The following WASHC2A variants were observed in gnomAD, a reference collection of about 807,000 sequenced individuals.
WASHC2A encodes the protein WASH complex subunit FAM21A.
WASHC2A carries 82 observed loss-of-function variants against 140.3 expected under a neutral mutation model. That is an observed-to-expected ratio of 0.58 (90% CI 0.49 to 0.70). The LOEUF is 0.70. Ranked by LOEUF, WASHC2A falls within the 30% of genes least tolerant of loss-of-function variation. The pLI is 0.00. For synonymous variants in WASHC2A, 340 were observed against 560.8 expected, an observed-to-expected ratio of 0.61 and a Z score of 5.56; for missense variants, 985 against 1,521.8, an observed-to-expected ratio of 0.65 and a Z score of 5.87.
In WASHC2A at chr10:50,129,651, C is replaced by T. The variant is rs1162979607; in HGVS notation, c.3320C>T (p.Pro1107Leu). 2 of 1,612,084 alleles carry T rather than the reference C, an allele frequency of 1.2e-6. No individual in the cohort carries two copies. The highest frequency in any genetic ancestry group is 8.5e-7 in the Non-Finnish European group (1 of 1,179,872). ...AAAAAPWEGG[P>L]VPGVDRSPFA... ...GCCGCTGCACCTTGGGAAGGTGGTC[C>T]TGTGCCTGGAGTGGACAGAAGCCCC... The change falls in exon 29 of 31, where the codon CCT becomes CTT. Residue 1107 changes from proline (P) to leucine (L), a missense_variant. Transcript: ENST00000282633.
At position 50,104,104 on chromosome 10, in the gene WASHC2A, C is replaced by T. The variant is rs1343104446; in HGVS notation, c.1698C>T (p.Leu566=). 5 of 1,456,520 alleles carry T rather than the reference C, an allele frequency of 3.4e-6. No homozygotes were observed. The highest frequency in any genetic ancestry group is 4.7e-6 in the Non-Finnish European group (5 of 1,054,114). The allele number at this position is 1,456,520 out of a possible 1,614,324, so 90.2% of individuals were successfully genotyped here. Residue 566 remains leucine, a synonymous_variant, in exon 18 of 31, where the codon CTC becomes CTT. Coordinates refer to ENST00000282633, the MANE Select transcript of WASHC2A (RefSeq NM_001005751.3). The stretch of plus-strand genomic sequence containing the variant: ...GTGCGTCTCTGCTGCCTGGCAAGCT[C>T]CCCACGTTGGTTTCCCTGTTTGATG... ...LKGASLLPGK[L]PTLVSLFDDE...
chr10:50,077,497 T>A (rs1175202142), intron 3 of WASHC2A, among the ~76,000 whole-genome samples: 1 of 152,136 alleles, frequency 6.6e-6, no homozygotes, highest in African/African-American at 2.4e-5. Flanking sequence ...CTTAAAATTT[T>A]AAAAATTGAG....
At chr10:50,109,899 A>G (rs1842126405) in intron 19 of WASHC2A, among the ~76,000 whole-genome samples, 2 of 151,784 alleles carry the variant, frequency 1.3e-5, no homozygotes, top group South Asian at 4.2e-4. Context: ...CCTCCCGAGT[A>G]GCTGGGACTA....
At chr10:50,081,673 C>T (rs1281198015) in intron 5 of WASHC2A, among the ~76,000 whole-genome samples, 1 of 151,482 alleles carries the variant, frequency 6.6e-6, no homozygotes, top group African/African-American at 2.4e-5. Context: ...TCACTCTGTC[C>T]TCCAGGCTGG....
In WASHC2A at chr10:50,129,722, G is replaced by A. The variant is rs1287810665; in HGVS notation, c.3391G>A (p.Asp1131Asn). 768 of 1,612,036 alleles carry A rather than the reference G, an allele frequency of 4.8e-4. 5 individuals carry two copies. In the African/African-American group the frequency reaches 8.1e-3, roughly 17 times the overall value. The change falls in exon 29 of 31, where the codon GAT becomes AAT. Residue 1131 changes from aspartate to asparagine, a missense_variant. Transcript: ENST00000282633. ...GHSRGEADLF[D>N]SGDIFSTGTG... ...TTCCAGAGGGGAGGCTGACCTTTTT[G>A]ATTCTGGGGACATCTTTTCCACGGG...
At chr10:50,098,909 A>C (rs1840769802) in intron 16 of WASHC2A, among the ~76,000 whole-genome samples, 2 of 150,372 alleles carry the variant, frequency 1.3e-5, no homozygotes, top group African/African-American at 4.9e-5. Context: ...TGCCTCATTC[A>C]GACACGTTTG....
In WASHC2A at chr10:50,129,745, G is replaced by A. The variant is rs1344313097; in HGVS notation, c.3414G>A (p.Thr1138=). 2.3e-5 allele frequency: 37 copies of A among 1,611,912 alleles called. No homozygotes were observed. The highest frequency in any genetic ancestry group is 2.2e-4 in the East Asian group (10 of 44,896). The part of the protein sequence containing the change: ...DLFDSGDIFS[T]GTGSQSVERT... Reference sequence around the variant, plus strand: ...TTGATTCTGGGGACATCTTTTCCACGGGCACTGGATCTCAGTCTGTGGAGA... The same window carrying A: ...TTGATTCTGGGGACATCTTTTCCACAGGCACTGGATCTCAGTCTGTGGAGA... The change falls in exon 29 of 31, where the codon ACG becomes ACA. Residue 1138 remains threonine, a synonymous_variant. Coordinates refer to ENST00000282633, the MANE Select transcript of WASHC2A (RefSeq NM_001005751.3).
At chr10:50,112,698 C>T (rs1418125970) in intron 20 of WASHC2A, among the ~76,000 whole-genome samples, 18 of 151,556 alleles carry the variant, frequency 1.2e-4, no homozygotes, top group African/African-American at 4.4e-4. Flanking sequence ...TATAACCATA[C>T]GATGGACTGT....
intron 21 of WASHC2A, among the ~76,000 whole-genome samples, chr10:50,115,758 A>G (rs2132946100): frequency 6.7e-6 from 1 of 148,248 alleles, no homozygotes; most frequent in Non-Finnish European, 1.5e-5. Flanking sequence ...CATATGGCCA[A>G]GATGCAGCCA....
At chr10:50,070,582 A>T (rs1347503177) in intron 3 of WASHC2A, among the ~76,000 whole-genome samples, 3 of 149,020 alleles carry the variant, frequency 2.0e-5, no homozygotes, top group African/African-American at 7.5e-5. Context: ...CTTGTGCAGC[A>T]TGTTTGTGCA....
chr10:50,109,093 C>G (rs1348662652), intron 19 of WASHC2A, among the ~76,000 whole-genome samples: 123 of 151,894 alleles, frequency 8.1e-4, no homozygotes, highest in African/African-American at 2.9e-3. Flanking sequence ...CCCAGGCACC[C>G]TGTGAAATGC....
intron 21 of WASHC2A, 22 bp downstream of exon 21, chr10:50,114,019 C>T: frequency 3.1e-6 from 1 of 325,876 alleles, no homozygotes; most frequent in Non-Finnish European, 5.1e-6. Flanking sequence ...CTCTTAGTCC[C>T]AGGAAATGTC....
rs1484171348 is a variant in WASHC2A at position 50,127,328 on chromosome 10, C to T, written c.2874+106C>T. ...TGCCAAGCATCTTCTCATCTCTTCCCCCGCCTCCCCTCCCCTGCACCTAGT... is the reference window on the plus strand; with the variant it reads ...TGCCAAGCATCTTCTCATCTCTTCCTCCGCCTCCCCTCCCCTGCACCTAGT... On this transcript the variant is annotated intron_variant, in intron 27 of 30. Transcript: ENST00000282633. 3 of 1,595,874 alleles carry T rather than the reference C, an allele frequency of 1.9e-6. No individual in the cohort carries two copies. In the African/African-American group the frequency reaches 4.0e-5, roughly 21 times the overall value.
At chr10:50,070,154 A>G (rs1589134879) in intron 3 of WASHC2A, among the ~76,000 whole-genome samples, 1 of 152,208 alleles carries the variant, frequency 6.6e-6, no homozygotes, top group East Asian at 1.9e-4. Context: ...TCTCAACTAA[A>G]GTTTATGATG....
chr10:50,100,221 G>GC (rs1378724552), intron 17 of WASHC2A, among the ~76,000 whole-genome samples, 157 bp downstream of exon 17: 1 of 152,050 alleles, frequency 6.6e-6, no homozygotes, highest in Non-Finnish European at 1.5e-5. Flanking sequence ...AGTGGTTCAT[G>GC]CCTGTAATCC....
intron 8 of WASHC2A, among the ~76,000 whole-genome samples, chr10:50,090,515 A>ATAT (rs1554882430): frequency 0.18 from 20,047 of 108,468 alleles, 2,461 homozygotes; most frequent in East Asian, 0.53. Context: ...AAAAAAAAAA[A>ATAT]ATATATATAT....
intron 30 of WASHC2A, among the ~76,000 whole-genome samples, chr10:50,131,641 A>ATTCTC (rs1843981452): frequency 6.6e-6 from 1 of 152,162 alleles, no homozygotes; most frequent in South Asian, 2.1e-4. Flanking sequence ...ATGCCCGAGA[A>ATTCTC]CCCTAAATAT....
intron 3 of WASHC2A, among the ~76,000 whole-genome samples, chr10:50,076,984 G>A (rs1838398396): frequency 6.6e-6 from 1 of 151,878 alleles, no homozygotes; most frequent in Non-Finnish European, 1.5e-5. Context: ...GGCATGGGTG[G>A]CAGGCACCTG....
intron 28 of WASHC2A, among the ~76,000 whole-genome samples, chr10:50,128,646 A>T (rs1843659585): frequency 6.6e-6 from 1 of 152,136 alleles, no homozygotes; most frequent in South Asian, 2.1e-4. Flanking sequence ...TTTTAAAGAG[A>T]ATTTTCATTG....
Sources: allele counts gnomAD v4.1 joint callset (sites outside exome capture counted in the v4.1 genomes callset), GRCh38; gene constraint gnomAD v4.1.1; transcripts MANE v1.5; gene names NCBI Gene and HGNC (gene_info 2026-07-23, HGNC 2026-07-21).